The following ASTL variants were observed in gnomAD, a reference collection of about 807,000 sequenced individuals.
The protein encoded by ASTL is astacin-like metalloendopeptidase.
A neutral mutation model predicts 36.7 loss-of-function variants in ASTL; 27 were observed. The observed-to-expected ratio is 0.73, with a 90% CI of 0.54 to 1.01. The LOEUF (loss-of-function observed/expected upper bound fraction) is 1.01. Ranked by LOEUF, ASTL falls within the 50% of genes least tolerant of loss-of-function variation. The probability of loss-of-function intolerance (pLI) is 0.00; values close to 1 mark genes in which losing one functional copy is unlikely to be tolerated. For synonymous variants in ASTL, 222 were observed against 228.1 expected, an observed-to-expected ratio of 0.97 and a Z score of 0.24; for missense variants, 524 against 572.8, an observed-to-expected ratio of 0.91 and a Z score of 0.87.
At chr2:96,126,155 C>CA (rs1355036822) in intron 8 of ASTL, among the ~76,000 whole-genome samples, 1 of 152,068 alleles carries the variant, frequency 6.6e-6, no homozygotes, top group Admixed American at 6.5e-5. Flanking sequence ...AAAGGAGTGA[C>CA]AAAATTGGTC....
chr2:96,136,720 C>A (rs1682308850), intron 2 of ASTL, among the ~76,000 whole-genome samples: 1 of 152,230 alleles, frequency 6.6e-6, no homozygotes, highest in Non-Finnish European at 1.5e-5. Flanking sequence ...ATTGCTTCAA[C>A]CCTGAGTGCT....
At chr2:96,125,579 C>A (rs569797859) in intron 8 of ASTL, among the ~76,000 whole-genome samples, 3 of 152,320 alleles carry the variant, frequency 2.0e-5, no homozygotes, top group South Asian at 4.1e-4. Flanking sequence ...TCTTGATAGA[C>A]CCAGCCCTTG....
chr2:96,138,005 G>A (rs866490123), intron 1 of ASTL, among the ~76,000 whole-genome samples: 6 of 152,284 alleles, frequency 3.9e-5, no homozygotes, highest in African/African-American at 9.6e-5. Flanking sequence ...TCTGACGCCC[G>A]TGACGGGCAG....
chr2:96,136,015 A>G (rs891241920), intron 2 of ASTL, among the ~76,000 whole-genome samples: 1 of 152,092 alleles, frequency 6.6e-6, no homozygotes, highest in African/African-American at 2.4e-5. Context: ...TGTTCCACAA[A>G]TTTGTTCCAC....
Position 96,123,761 on chromosome 2 carries a change from G to T in ASTL, c.*89C>A. 9.5e-7 allele frequency: 1 copy of T among 1,057,442 alleles called. No homozygotes were observed. The highest frequency in any genetic ancestry group is 1.4e-6 in the Non-Finnish European group (1 of 711,074). 65.5% of individuals were successfully genotyped at this position (1,057,442 alleles called of 1,614,324 possible). A position where few individuals can be genotyped will look rare whatever the true frequency, so the allele number is the denominator to read the frequency against. On this transcript the variant is annotated 3_prime_UTR_variant, in exon 9 of 9. Transcript: ENST00000342380. ...GGTGGTAGGTTGGGGCTGGAAGACAGTGGTGTGGCCCAAAGGAGCCAAGAG... is the reference window on the plus strand; with the variant it reads ...GGTGGTAGGTTGGGGCTGGAAGACATTGGTGTGGCCCAAAGGAGCCAAGAG...
At chr2:96,137,490 C>T (rs1452865463) in intron 2 of ASTL, 85 bp downstream of exon 2, 1 of 1,480,266 alleles carries the variant, frequency 6.8e-7, no homozygotes. Flanking sequence ...TCCTCCCAGG[C>T]TCTGCATTTC....
intron 1 of ASTL, 78 bp from the exon 2 acceptor site, chr2:96,137,778 G>A: frequency 2.1e-6 from 3 of 1,457,822 alleles, no homozygotes; most frequent in Middle Eastern, 2.3e-4. Flanking sequence ...CATGGGGTGG[G>A]TGTGGGGGAT....
chr2:96,131,722 G>A (rs1426234319), intron 6 of ASTL, among the ~76,000 whole-genome samples: 3 of 151,880 alleles, frequency 2.0e-5, no homozygotes, highest in African/African-American at 7.3e-5. Flanking sequence ...TTGGGCCCAG[G>A]CAGCTTCCCT....
intron 2 of ASTL, among the ~76,000 whole-genome samples, 198 bp from the exon 3 acceptor site, chr2:96,135,610 T>C (rs1490656106): frequency 6.6e-6 from 1 of 152,228 alleles, no homozygotes; most frequent in Non-Finnish European, 1.5e-5. Flanking sequence ...AAGTCATTAG[T>C]TGATGTTTGA....
chr2:96,134,701 G>A (rs1174833828), intron 3 of ASTL, among the ~76,000 whole-genome samples: 2 of 152,200 alleles, frequency 1.3e-5, no homozygotes, highest in Non-Finnish European at 2.9e-5. Flanking sequence ...GCCAGCCTCT[G>A]GCTCTCCTGC....
At chr2:96,137,786 G>T in intron 1 of ASTL, 86 bp from the exon 2 acceptor site, 1 of 1,383,170 alleles carries the variant, frequency 7.2e-7, no homozygotes, top group Non-Finnish European at 1.0e-6. Flanking sequence ...GGGTGTGGGG[G>T]ATCAGACGGT....
chr2:96,123,868 C>A lies in ASTL; in HGVS notation c.1278G>T (p.Lys426Asn). ...PGGCVPRNHF[K>N]GMSED ...CACAGGCTTAATCTTCGGACATCCC[C>A]TTGAAATGATTTCTAGGTACACAGC... Residue 426 changes from lysine to asparagine, a missense_variant, in exon 9 of 9, where the codon AAG becomes AAT. Physicochemically the swap from Lys to Asn is moderately conservative, Grantham distance 94. Coordinates refer to ENST00000342380, the MANE Select transcript of ASTL (RefSeq NM_001002036.4). 6.2e-7 allele frequency: 1 copy of A among 1,613,708 alleles called. No individual in the cohort carries two copies. Among genetic ancestry groups the A allele is most frequent in the Non-Finnish European group, 8.5e-7 (1 of 1,179,828 alleles).
chr2:96,132,648 G>A lies in ASTL; in HGVS notation c.529C>T (p.Arg177Trp), dbSNP rs754143947. Reference protein sequence around the residue: ...SLAPTCLQKGRGIVLHELMHV... With the variant: ...SLAPTCLQKGWGIVLHELMHV... ...ATGAGCTCATGAAGGACAATGCCCC[G>A]GCCCTTCTGGAGACACGTGGGCGCC... The change falls in exon 6 of 9, where the codon CGG becomes TGG. Residue 177 changes from arginine to tryptophan, a missense_variant. Arg to Trp is a moderately radical substitution (Grantham distance 101). Coordinates refer to ENST00000342380, the MANE Select transcript of ASTL (RefSeq NM_001002036.4). The surrounding 1 kb of genome is among the most constrained non-coding windows in gnomAD (Gnocchi z 5.4). The A allele has an allele frequency of 7.8e-5, 126 of 1,613,410 alleles. No individual in the cohort carries two copies. Among genetic ancestry groups the A allele is most frequent in the South Asian group, 3.0e-4 (27 of 91,076 alleles).
chr2:96,126,224 AAAC>A (rs919214122), intron 8 of ASTL, among the ~76,000 whole-genome samples: 1 of 152,234 alleles, frequency 6.6e-6, no homozygotes, highest in African/African-American at 2.4e-5. Flanking sequence ...AAAGTGGGAA[AAAC>A]AAAAAACATA....
Position 96,138,398 on chromosome 2 carries a change from AC to A in ASTL, c.38del (p.Gly13ValfsTer8). The A allele has an allele frequency of 6.2e-7, 1 of 1,610,572 alleles. No individual in the cohort carries two copies. The highest frequency in any genetic ancestry group is 1.7e-5 in the Admixed American group (1 of 59,570). ...CCAGCTTACCTGGCAAGGAGAGCAG[AC>A]CCAGCACCCAAGGCCAGAGACCCCC... is the stretch of plus-strand genomic sequence containing the variant. ...GVGGLWPWVL[G>X]LLSLPGVILG... is the part of the protein sequence containing the mutation. On this transcript the variant is annotated frameshift_variant, in exon 1 of 9. Transcript: ENST00000342380. LOFTEE classifies it high-confidence loss of function.
intron 8 of ASTL, among the ~76,000 whole-genome samples, chr2:96,129,498 C>T (rs1682125740): frequency 6.6e-6 from 1 of 152,188 alleles, no homozygotes; most frequent in Non-Finnish European, 1.5e-5. Context: ...CCTCCACTGC[C>T]ACACAATGTG....
chr2:96,134,939 A>G (rs1379034741), intron 3 of ASTL, among the ~76,000 whole-genome samples: 4 of 152,136 alleles, frequency 2.6e-5, no homozygotes, highest in East Asian at 1.9e-4. Flanking sequence ...CAGGCTCAAC[A>G]TCACTCCTTG....
chr2:96,132,671 G>C lies in ASTL; in HGVS notation c.506C>G (p.Ala169Gly). The C allele has an allele frequency of 6.2e-7, 1 of 1,613,144 alleles. No homozygotes were observed. Among genetic ancestry groups the C allele is most frequent in the Admixed American group, 1.7e-5 (1 of 59,994 alleles). ...RSGGMQVVSL[A>G]PTCLQKGRGI... is the part of the protein sequence containing the mutation. Reference sequence around the variant, plus strand: ...CCGGCCCTTCTGGAGACACGTGGGCGCCAGGGAGACCACCTGCATCCCTCC... The same window carrying C: ...CCGGCCCTTCTGGAGACACGTGGGCCCCAGGGAGACCACCTGCATCCCTCC... Residue 169 changes from alanine (A) to glycine (G), a missense_variant, in exon 6 of 9, where the codon GCG (alanine) becomes GGG (glycine). Coordinates refer to ENST00000342380, the MANE Select transcript of ASTL (RefSeq NM_001002036.4). This position sits in a 1 kb window ranked among gnomAD's most constrained non-coding sequence, Gnocchi z 5.4.
intron 8 of ASTL, among the ~76,000 whole-genome samples, chr2:96,125,858 C>G (rs1305596030): frequency 1.3e-5 from 2 of 152,248 alleles, no homozygotes; most frequent in South Asian, 4.1e-4. Flanking sequence ...GCACAAGACT[C>G]CATCTCAACA....
Sources: gnomAD v4.1 joint callset for allele counts (sites outside exome capture counted in the v4.1 genomes callset) on GRCh38, gnomAD v4.1.1 for gene constraint, Gnocchi (gnomAD v3.1) non-coding constraint, MANE v1.5 for transcripts, NCBI Gene and HGNC (gene_info 2026-07-23, HGNC 2026-07-21) for gene names.